Variants in REV3L observed in about 807,000 individuals in gnomAD.
REV3L encodes the protein DNA polymerase zeta catalytic subunit.
Under a neutral mutation model 299.4 loss-of-function variants are expected in REV3L, and 69 were observed. That is an observed-to-expected ratio of 0.23 (90% CI 0.19 to 0.28). REV3L has a LOEUF of 0.28. REV3L is among the 10% of genes least tolerant of loss of function. The pLI, the probability that REV3L is intolerant of heterozygous loss-of-function variation, is 1.00. For synonymous variants in REV3L, 1,238 were observed against 1,271.4 expected (o/e 0.97, Z 0.56); for missense variants, 3,128 against 3,693.8 (o/e 0.85, Z 3.97).
At chr6:111,472,607 T>G (rs1015408416) in intron 1 of REV3L, among the ~76,000 whole-genome samples, 1 of 151,944 alleles carries the variant, frequency 6.6e-6, no homozygotes, top group Middle Eastern at 3.2e-3. Flanking sequence ...AAATTTTCCA[T>G]TGACAATTAC....
intron 26 of REV3L, among the ~76,000 whole-genome samples, chr6:111,317,129 A>AT (rs1160672712): frequency 1.2e-4 from 18 of 152,054 alleles, no homozygotes; most frequent in Non-Finnish European, 2.1e-4. Context: ...TGACTTTAAG[A>AT]TTCTTTTTTC....
chr6:111,459,464 C>T (rs1374746646), intron 1 of REV3L, among the ~76,000 whole-genome samples: 2 of 151,882 alleles, frequency 1.3e-5, no homozygotes, highest in Non-Finnish European at 2.9e-5. Flanking sequence ...GCAAGAGAAA[C>T]CATTAACAGA....
upstream of REV3L, chr6:111,483,696 G>A (rs1217112640): frequency 7.9e-6 from 3 of 380,276 alleles, no homozygotes; most frequent in South Asian, 5.3e-5. Context: ...GAGGAGGGAG[G>A]CGAGGCGCAG....
At chr6:111,398,440 A>G (rs535469338) in intron 4 of REV3L, among the ~76,000 whole-genome samples, 3 of 152,256 alleles carry the variant, frequency 2.0e-5, no homozygotes, top group African/African-American at 7.2e-5. Flanking sequence ...AAAGAAAAAA[A>G]AAATTGTCCC....
intron 31 of REV3L, among the ~76,000 whole-genome samples, chr6:111,306,202 C>CA (rs981334534): frequency 1.3e-5 from 2 of 152,070 alleles, no homozygotes; most frequent in African/African-American, 4.8e-5. Context: ...AGGAAGGCTT[C>CA]ACCCAGTCCA....
intron 21 of REV3L, among the ~76,000 whole-genome samples, chr6:111,343,469 T>C (rs1432936328): frequency 2.0e-5 from 3 of 152,186 alleles, no homozygotes; most frequent in Admixed American, 6.5e-5. Flanking sequence ...CTTATCTTGA[T>C]TGGAGTAATG....
intron 18 of REV3L, among the ~76,000 whole-genome samples, chr6:111,355,347 TGA>T (rs1444158187): frequency 6.6e-6 from 1 of 152,094 alleles, no homozygotes; most frequent in Non-Finnish European, 1.5e-5. Flanking sequence ...AAAACAAAGC[TGA>T]GAGAGTTAAG....
chr6:111,369,286 A>AG (rs1311822203), intron 13 of REV3L, among the ~76,000 whole-genome samples: 1 of 150,828 alleles, frequency 6.6e-6, no homozygotes, highest in Non-Finnish European at 1.5e-5. Context: ...TGTCTCAAAA[A>AG]AAAAAAAAAA....
chr6:111,433,516 G>A (rs1787191349), intron 1 of REV3L, among the ~76,000 whole-genome samples: 1 of 152,070 alleles, frequency 6.6e-6, no homozygotes, highest in African/African-American at 2.4e-5. Flanking sequence ...CAAGGAGAAA[G>A]AGAAACCTTA....
chr6:111,456,600 C>T (rs1024588788), intron 1 of REV3L, among the ~76,000 whole-genome samples: 1 of 152,148 alleles, frequency 6.6e-6, no homozygotes, highest in African/African-American at 2.4e-5. Flanking sequence ...GACTATGAAT[C>T]CTATTAGGTA....
intron 17 of REV3L, among the ~76,000 whole-genome samples, chr6:111,358,021 G>T (rs1778277119): frequency 6.6e-6 from 1 of 151,906 alleles, no homozygotes; most frequent in African/African-American, 2.4e-5. Context: ...TGAATAAATT[G>T]CAAATTCTTA....
Position 111,331,718 on chromosome 6 carries a change from CCTAACTTGGTA to C in REV3L, c.7981_7991del (p.Tyr2661AlafsTer2). 6.2e-7 allele frequency: 1 copy of C among 1,613,268 alleles called. No individual in the cohort carries two copies. The highest frequency in any genetic ancestry group is 8.5e-7 in the Non-Finnish European group (1 of 1,179,536). On this transcript the variant is annotated frameshift_variant, in exon 24 of 32. Transcript: ENST00000368802. LOFTEE classifies it high-confidence loss of function. ...CATTGGGGGACACTGTGATATCATGCCTAACTTGGTAAAGTAAATCTGGAGGTACTCTCAGA... is the reference window on the plus strand; with the variant it reads ...CATTGGGGGACACTGTGATATCATGCAAGTAAATCTGGAGGTACTCTCAGA...
chr6:111,426,902 A>C (rs1013587679), intron 1 of REV3L, among the ~76,000 whole-genome samples: 6 of 152,250 alleles, frequency 3.9e-5, no homozygotes, highest in Non-Finnish European at 8.8e-5. Context: ...AAACGTCATA[A>C]AAATAATTAG....
intron 31 of REV3L, among the ~76,000 whole-genome samples, chr6:111,307,033 TTC>T (rs1772387730): frequency 1.7e-5 from 1 of 58,508 alleles, no homozygotes; most frequent in Non-Finnish European, 7.4e-5. Context: ...CTCAAAAACT[TTC>T]AGTTTTGGAG....
At chr6:111,404,260 A>G (rs775700372) in intron 4 of REV3L, among the ~76,000 whole-genome samples, 12 of 152,338 alleles carry the variant, frequency 7.9e-5, no homozygotes, top group Non-Finnish European at 1.6e-4. Context: ...GGATGACAGT[A>G]TAACAGTTGC....
intron 25 of REV3L, among the ~76,000 whole-genome samples, chr6:111,328,545 G>C (rs1775068166): frequency 6.6e-6 from 1 of 152,152 alleles, no homozygotes; most frequent in African/African-American, 2.4e-5. Context: ...TTACAGTATA[G>C]TTATGAAGAT....
intron 31 of REV3L, among the ~76,000 whole-genome samples, chr6:111,306,421 C>T (rs1772307415): frequency 6.6e-6 from 1 of 152,024 alleles, no homozygotes; most frequent in East Asian, 1.9e-4. Context: ...CAGGTAGGGA[C>T]AGAACGGAGA....
chr6:111,405,605 C>A lies in REV3L; in HGVS notation c.430G>T (p.Ala144Ser). 1 of 1,600,522 alleles carries A rather than the reference C, an allele frequency of 6.2e-7. No homozygotes were observed. Among genetic ancestry groups the A allele is most frequent in the Non-Finnish European group, 8.5e-7 (1 of 1,175,576 alleles). ...KRICELLQSG[A>S]IMNKFYQPHE... is the part of the protein sequence containing the mutation. ...GGCTGGTAAAATTTATTCATTATGG[C>A]TCCGCTTTGCAAAAGTTCACATATC... Residue 144 changes from alanine to serine, a missense_variant, in exon 4 of 32, where the codon GCC becomes TCC. Ala to Ser is a moderately conservative substitution (Grantham distance 99). Transcript: ENST00000368802.
chr6:111,389,882 G>A (rs747692687), intron 6 of REV3L, among the ~76,000 whole-genome samples: 5 of 151,618 alleles, frequency 3.3e-5, no homozygotes, highest in African/African-American at 9.7e-5. Flanking sequence ...GACTACAGAC[G>A]TGTGCCACCA....
Sources: allele counts gnomAD v4.1 joint callset (sites outside exome capture counted in the v4.1 genomes callset), GRCh38; gene constraint gnomAD v4.1.1; transcripts MANE v1.5; gene names NCBI Gene and HGNC (gene_info 2026-07-23, HGNC 2026-07-21).